ANK1: variants seen among roughly 807,000 people sequenced by gnomAD.
ANK1 encodes the protein ankyrin 1.
A neutral mutation model predicts 210.4 loss-of-function variants in ANK1; 51 were observed. That is an observed-to-expected ratio of 0.24 (90% CI 0.19 to 0.31). ANK1 has a LOEUF of 0.31. Among genes scored for constraint, ANK1 ranks in the 10% least tolerant of loss-of-function variants. The probability of loss-of-function intolerance (pLI) is 1.00; values close to 1 mark genes in which losing one functional copy is unlikely to be tolerated. For missense variants in ANK1, 2,051 were observed against 2,504.4 expected (o/e 0.82, Z 3.86); for synonymous variants, 967 against 1,025.9 (o/e 0.94, Z 1.10).
chr8:41,789,183 T>C (rs1328206631), intron 1 of ANK1: 1 of 152,278 alleles, frequency 6.6e-6, no homozygotes, highest in African/African-American at 2.4e-5. Flanking sequence ...TGATTTACTG[T>C]TTCCTATTCC....
chr8:41,840,852 T>C (rs1808764718), intron 1 of ANK1, among the ~76,000 whole-genome samples: 1 of 152,110 alleles, frequency 6.6e-6, no homozygotes, highest in Admixed American at 6.6e-5. Flanking sequence ...ACGTCGGTAA[T>C]CCTTCCTTTC....
intron 1 of ANK1, among the ~76,000 whole-genome samples, chr8:41,791,902 TA>T (rs1256825941): frequency 1.4e-4 from 15 of 105,958 alleles, no homozygotes; most frequent in Admixed American, 4.1e-4. Context: ...GGCGTTCCTA[TA>T]GGAGAGAAGG....
At chr8:41,749,940 C>T (rs1032338546) in intron 2 of ANK1, among the ~76,000 whole-genome samples, 1 of 152,230 alleles carries the variant, frequency 6.6e-6, no homozygotes, top group Admixed American at 6.5e-5. Context: ...GCCCAACTCC[C>T]CAAATCCAAA....
chr8:41,803,195 A>G (rs200104396), intron 1 of ANK1, among the ~76,000 whole-genome samples: 4 of 147,288 alleles, frequency 2.7e-5, no homozygotes, highest in South Asian at 2.1e-4. Context: ...GAGAGAGAGA[A>G]AAAAAAAGCA....
chr8:41,692,815 T>C lies in ANK1; in HGVS notation c.3691A>G (p.Lys1231Glu), dbSNP rs1819642971. The change falls in exon 31 of 43, where the codon AAA (lysine) becomes GAA (glutamate). Residue 1231 changes from lysine to glutamate, a missense_variant. Around this residue, in one of 6 missense-constraint regions of ANK1, gnomAD observed 1,413 missense variants for 1,707.4 expected, o/e 0.83. Coordinates refer to ENST00000289734, the MANE Select transcript of ANK1 (RefSeq NM_000037.4). ...EAVNFATLLY[K>E]ELTAVPYMAK... Reference sequence around the variant, plus strand: ...ATGTAGGGCACTGCAGTGAGCTCTTTGTACAGCAGGGTGGCAAAGTTCACA... The same window carrying C: ...ATGTAGGGCACTGCAGTGAGCTCTTCGTACAGCAGGGTGGCAAAGTTCACA... 6.2e-7 allele frequency: 1 copy of C among 1,614,118 alleles called. No individual in the cohort carries two copies. Among genetic ancestry groups the C allele is most frequent in the Non-Finnish European group, 8.5e-7 (1 of 1,180,024 alleles).
intron 1 of ANK1, among the ~76,000 whole-genome samples, chr8:41,795,387 T>A (rs1220033583): frequency 6.6e-6 from 1 of 152,062 alleles, no homozygotes; most frequent in East Asian, 1.9e-4. Flanking sequence ...CACGCACTTG[T>A]AGTCCCAGCT....
chr8:41,728,594 T>C (rs990828386), intron 3 of ANK1, among the ~76,000 whole-genome samples: 2 of 152,116 alleles, frequency 1.3e-5, no homozygotes, highest in African/African-American at 4.8e-5. Flanking sequence ...CCACCAGCAC[T>C]GGCTGGTGTG....
intron 1 of ANK1, among the ~76,000 whole-genome samples, chr8:41,819,018 C>T (rs190275957): frequency 1.4e-3 from 208 of 152,282 alleles, no homozygotes; most frequent in Middle Eastern, 6.8e-3. Context: ...GCTAAGGGCC[C>T]GCATGCACAC....
chr8:41,766,133 C>T (rs1757919183), intron 1 of ANK1, among the ~76,000 whole-genome samples: 1 of 152,232 alleles, frequency 6.6e-6, no homozygotes, highest in African/African-American at 2.4e-5. Flanking sequence ...TTCTTTAACG[C>T]AGCCACTGTC....
intron 1 of ANK1, among the ~76,000 whole-genome samples, chr8:41,818,810 T>G (rs536752866): frequency 6.6e-6 from 1 of 152,110 alleles, no homozygotes; most frequent in Non-Finnish European, 1.5e-5. Flanking sequence ...GTGTCCTTGG[T>G]TGAATTCTTT....
chr8:41,810,840 G>T (rs1451085049), intron 1 of ANK1, among the ~76,000 whole-genome samples: 1 of 152,214 alleles, frequency 6.6e-6, no homozygotes. Context: ...GGAGGCCAGG[G>T]TGTTTTAAGG....
rs552159341 is a variant in ANK1 at position 41,678,950 on chromosome 8, A to C, written c.4537+5594T>G. On this transcript the variant is annotated intron_variant, in intron 37 of 42. Coordinates refer to ENST00000289734, the MANE Select transcript of ANK1 (RefSeq NM_000037.4). ...AGGCGCCTGCCACCTCACCCAGCTAATTTTTTTGTATTTTTAGTAGAGACA... is the reference window on the plus strand; with the variant it reads ...AGGCGCCTGCCACCTCACCCAGCTACTTTTTTTGTATTTTTAGTAGAGACA... 1.6e-3 allele frequency among the ~76,000 whole-genome samples: 246 copies of C among 151,712 alleles called. 1 individual carries two copies. Among genetic ancestry groups the C allele is most frequent in the African/African-American group, 5.6e-3 (231 of 41,352 alleles).
intron 1 of ANK1, among the ~76,000 whole-genome samples, chr8:41,886,968 C>T (rs1185599063): frequency 6.6e-6 from 1 of 152,160 alleles, no homozygotes; most frequent in Non-Finnish European, 1.5e-5. Context: ...TATGCCAAGA[C>T]CCAACTGCCT....
intron 1 of ANK1, among the ~76,000 whole-genome samples, chr8:41,890,708 CAAAAAAAAAA>C (rs557921949): frequency 1.6e-5 from 1 of 63,002 alleles, no homozygotes; most frequent in Non-Finnish European, 4.1e-5. Context: ...GACTCCGTCT[CAAAAAAAAAA>C]AAAAAAAGAA....
chr8:41,677,853 G>T (rs562519140), intron 37 of ANK1, among the ~76,000 whole-genome samples: 1 of 152,134 alleles, frequency 6.6e-6, no homozygotes, highest in African/African-American at 2.4e-5. Context: ...ACCTCCCAAA[G>T]TGCCAGGATT....
intron 1 of ANK1, among the ~76,000 whole-genome samples, chr8:41,871,975 C>T (rs1350481809): frequency 6.6e-6 from 1 of 152,272 alleles, no homozygotes; most frequent in East Asian, 1.9e-4. Context: ...GGCCAGGCAC[C>T]CACACTCCAG....
chr8:41,731,995 A>G (rs560262435), intron 3 of ANK1, among the ~76,000 whole-genome samples: 3 of 152,336 alleles, frequency 2.0e-5, no homozygotes, highest in South Asian at 2.1e-4. Flanking sequence ...AGAATTTGGG[A>G]AAAAAATACC....
chr8:41,883,134 G>A (rs1817878079), intron 1 of ANK1, among the ~76,000 whole-genome samples: 1 of 152,202 alleles, frequency 6.6e-6, no homozygotes, highest in Non-Finnish European at 1.5e-5. Context: ...AAAGAGCACA[G>A]CCCACACTCC....
At chr8:41,745,971 C>A (rs75566146) in intron 2 of ANK1, among the ~76,000 whole-genome samples, 1 of 152,250 alleles carries the variant, frequency 6.6e-6, no homozygotes, top group Non-Finnish European at 1.5e-5. Flanking sequence ...CATCCTCCCG[C>A]CTCAGCCTTC....
Sources: allele counts gnomAD v4.1 joint callset (sites outside exome capture counted in the v4.1 genomes callset), GRCh38; gene constraint gnomAD v4.1.1; regional missense constraint gnomAD v4.1.1; transcripts MANE v1.5; gene names NCBI Gene and HGNC (gene_info 2026-07-23, HGNC 2026-07-21).